Variants in RIMS1 observed in about 807,000 individuals in gnomAD.
RIMS1 encodes the protein regulating synaptic membrane exocytosis 1, also known as regulating synaptic membrane exocytosis protein 1.
In RIMS1, 83 loss-of-function variants were observed where a neutral mutation model predicts 214.1. The observed-to-expected ratio is 0.39, with a 90% CI of 0.32 to 0.47. RIMS1 has a LOEUF of 0.47. Among genes scored for constraint, RIMS1 ranks in the 20% least tolerant of loss-of-function variants. RIMS1 has a pLI of 0.99. For missense variants in RIMS1, 2,050 were observed against 2,161.8 expected, an observed-to-expected ratio of 0.95 and a Z score of 1.03; for synonymous variants, 793 against 786.8, an observed-to-expected ratio of 1.01 and a Z score of -0.13.
intron 2 of RIMS1, among the ~76,000 whole-genome samples, chr6:72,004,831 T>C (rs1348538190): frequency 6.6e-6 from 1 of 151,572 alleles, no homozygotes; most frequent in Non-Finnish European, 1.5e-5. Flanking sequence ...GCCTGTTCAC[T>C]CTGATGGTAG....
At chr6:72,052,733 T>C (rs1825054299) in intron 2 of RIMS1, among the ~76,000 whole-genome samples, 1 of 152,218 alleles carries the variant, frequency 6.6e-6, no homozygotes. Context: ...AGGTAAAGCA[T>C]CTATTTTTTG....
intron 4 of RIMS1, among the ~76,000 whole-genome samples, chr6:72,163,900 C>A (rs2045864165): frequency 1.3e-5 from 2 of 152,084 alleles, no homozygotes. Context: ...CTGGGAGAAC[C>A]AATACTGTCT....
intron 4 of RIMS1, among the ~76,000 whole-genome samples, chr6:72,134,060 G>T (rs551384757): frequency 8.6e-5 from 13 of 151,966 alleles, no homozygotes; most frequent in African/African-American, 3.1e-4. Context: ...TAATATATTA[G>T]GCCTTCAATA....
chr6:72,251,504 C>A (rs2154136836), intron 15 of RIMS1, 136 bp downstream of exon 15: 2 of 713,684 alleles, frequency 2.8e-6, no homozygotes, highest in Non-Finnish European at 4.3e-6. Flanking sequence ...CTTTATGAAG[C>A]AACTTGGCAA....
chr6:71,963,339 C>A (rs762750805), intron 1 of RIMS1, among the ~76,000 whole-genome samples: 8 of 151,984 alleles, frequency 5.3e-5, no homozygotes, highest in Non-Finnish European at 2.9e-5. Flanking sequence ...TCTTCATCGG[C>A]CAAGTAGGAG....
intron 29 of RIMS1, among the ~76,000 whole-genome samples, chr6:72,338,409 G>A (rs1335247416): frequency 1.3e-5 from 2 of 152,004 alleles, no homozygotes; most frequent in Admixed American, 1.3e-4. Flanking sequence ...ATAGGCATGG[G>A]CAAGGACTTC....
intron 9 of RIMS1, among the ~76,000 whole-genome samples, chr6:72,241,771 A>G (rs928079479): frequency 6.6e-6 from 1 of 152,154 alleles, no homozygotes; most frequent in Non-Finnish European, 1.5e-5. Context: ...GTGAATTCAA[A>G]TCCTTTCATG....
intron 1 of RIMS1, among the ~76,000 whole-genome samples, chr6:71,929,682 C>A (rs533304206): frequency 6.6e-6 from 1 of 151,748 alleles, no homozygotes; most frequent in Non-Finnish European, 1.5e-5. Flanking sequence ...CAGTTCAGCA[C>A]TAGAGGGAGG....
chr6:72,292,365 T>G (rs1174501264), intron 26 of RIMS1, among the ~76,000 whole-genome samples: 1 of 152,128 alleles, frequency 6.6e-6, no homozygotes, highest in Non-Finnish European at 1.5e-5. Context: ...AATATGGCAT[T>G]TTATGTGTTA....
At chr6:72,256,107 A>G (rs139016551) in intron 16 of RIMS1, among the ~76,000 whole-genome samples, 72 of 152,168 alleles carry the variant, frequency 4.7e-4, no homozygotes, top group African/African-American at 1.4e-3. Context: ...CGTAAACATA[A>G]TGTGAAGAAA....
chr6:72,393,065 G>C (rs772746853), intron 31 of RIMS1, among the ~76,000 whole-genome samples: 1 of 149,146 alleles, frequency 6.7e-6, no homozygotes, highest in East Asian at 2.0e-4. Context: ...TGTAGGACAT[G>C]GGTGGCATTT....
At chr6:72,154,148 A>AGAAGTTAGGGACCCACTTGAGGATGC (rs1423521329) in intron 4 of RIMS1, among the ~76,000 whole-genome samples, 6 of 142,604 alleles carry the variant, frequency 4.2e-5, no homozygotes, top group Non-Finnish European at 8.0e-5. Flanking sequence ...GCTGTATATG[A>AGAAGTTAGGGACCCACTTGAGGATGC]AATAGCTACA....
chr6:72,071,235 C>CA (rs1830516622), intron 2 of RIMS1, among the ~76,000 whole-genome samples: 1 of 151,998 alleles, frequency 6.6e-6, no homozygotes, highest in African/African-American at 2.4e-5. Flanking sequence ...CCAATCTCTA[C>CA]AAAAAAATTT....
intron 2 of RIMS1, among the ~76,000 whole-genome samples, chr6:72,047,004 C>T (rs1188738932): frequency 6.6e-6 from 1 of 151,960 alleles, no homozygotes; most frequent in Non-Finnish European, 1.5e-5. Flanking sequence ...ATACCTTTTT[C>T]ACTGTAGGAA....
intron 2 of RIMS1, among the ~76,000 whole-genome samples, chr6:72,055,798 T>C (rs907462150): frequency 1.3e-5 from 2 of 152,218 alleles, no homozygotes; most frequent in Non-Finnish European, 2.9e-5. Flanking sequence ...AAGGGAATGC[T>C]TATGAACTAC....
intron 29 of RIMS1, among the ~76,000 whole-genome samples, chr6:72,364,189 T>G (rs1478875841): frequency 1.3e-5 from 2 of 152,238 alleles, no homozygotes. Context: ...GTGACATCAC[T>G]TGTTTTCTCT....
chr6:71,988,454 C>T (rs199853834), intron 2 of RIMS1, among the ~76,000 whole-genome samples: 3 of 151,666 alleles, frequency 2.0e-5, no homozygotes, highest in Admixed American at 6.6e-5. Flanking sequence ...AAAAAAAAAA[C>T]TTGTGTGTTC....
At chr6:72,050,311 G>C (rs745865343) in intron 2 of RIMS1, among the ~76,000 whole-genome samples, 18 of 152,064 alleles carry the variant, frequency 1.2e-4, no homozygotes, top group Non-Finnish European at 2.4e-4. Flanking sequence ...TGCCTCCTGA[G>C]GATTCTCCTG....
At chr6:72,172,497 A>G (rs1425033013) in intron 4 of RIMS1, among the ~76,000 whole-genome samples, 2 of 152,166 alleles carry the variant, frequency 1.3e-5, no homozygotes, top group Non-Finnish European at 2.9e-5. Flanking sequence ...AATGACATAT[A>G]AAAATAAAGG....
Sources: gnomAD v4.1 joint callset for allele counts (sites outside exome capture counted in the v4.1 genomes callset) on GRCh38, gnomAD v4.1.1 for gene constraint, MANE v1.5 for transcripts, NCBI Gene and HGNC (gene_info 2026-07-23, HGNC 2026-07-21) for gene names.